CUL1: variants seen among roughly 807,000 people sequenced by gnomAD.
CUL1 encodes the protein cullin-1.
In CUL1, 24 loss-of-function variants were observed where a neutral mutation model predicts 118.0. The ratio of observed to expected loss-of-function variants is 0.20; its 90% CI spans 0.15 to 0.29. CUL1 has a LOEUF of 0.29. CUL1 is among the 10% of genes least tolerant of loss of function. The probability of loss-of-function intolerance (pLI) is 1.00; values close to 1 mark genes in which losing one functional copy is unlikely to be tolerated. For synonymous variants in CUL1, 332 were observed against 340.4 expected, an observed-to-expected ratio of 0.98 and a Z score of 0.27; for missense variants, 361 against 933.8, an observed-to-expected ratio of 0.39 and a Z score of 7.99.
At chr7:148,752,824 G>C (rs1799533875) in intron 2 of CUL1, among the ~76,000 whole-genome samples, 1 of 151,910 alleles carries the variant, frequency 6.6e-6, no homozygotes, top group African/African-American at 2.4e-5. Flanking sequence ...AATTTTTTGT[G>C]TGTGTTTTTA....
rs1484911868 is a variant in CUL1, at chr7:148,792,919, T to C, written c.1899+101T>C. 1.1e-5 allele frequency: 8 copies of C among 757,614 alleles called. No homozygotes were observed. In the Admixed American group the frequency reaches 1.6e-4, roughly 15 times the overall value. The allele number at this position is 757,614 out of a possible 1,614,324, so 46.9% of individuals were successfully genotyped here. The stretch of plus-strand genomic sequence containing the variant: ...GGAAGAGGATATGGGCATCTTTAAT[T>C]TGAAATAGATGTTTGCCTCATGAAT... On this transcript the variant is annotated intron_variant, in intron 17 of 21. Transcript: ENST00000325222.
chr7:148,703,610 G>T (rs1797787325), intron 1 of CUL1, among the ~76,000 whole-genome samples: 1 of 151,874 alleles, frequency 6.6e-6, no homozygotes, highest in African/African-American at 2.4e-5. Flanking sequence ...TCGGCTCACT[G>T]CAACCTCCGC....
At chr7:148,698,635 G>C (rs1296706968), upstream of CUL1, 5 of 152,000 alleles carry the variant, frequency 3.3e-5, no homozygotes, top group East Asian at 1.9e-4. Context: ...GAGCTTTCCG[G>C]GCCCCTCCCG....
rs140192642 is a variant in CUL1, at chr7:148,754,504, G to A, written c.315+354G>A. 2.0e-3 allele frequency among the ~76,000 whole-genome samples: 308 copies of A among 152,202 alleles called. 1 individual carries two copies. The highest frequency in any genetic ancestry group is 7.0e-3 in the African/African-American group (291 of 41,546). ...CTGTTTTTTAAAATTAGAAAGCTTT[G>A]ATAACCTTTTAGCATAATAGTGCTT... On this transcript the variant is annotated intron_variant, in intron 3 of 21. Transcript: ENST00000325222.
At chr7:148,774,756 C>T (rs1449281582) in intron 9 of CUL1, among the ~76,000 whole-genome samples, 3 of 152,278 alleles carry the variant, frequency 2.0e-5, no homozygotes, top group Non-Finnish European at 2.9e-5. Context: ...CTTCAACACC[C>T]GGCAGGGCTG....
At chr7:148,714,725 G>C (rs1798158604) in intron 1 of CUL1, among the ~76,000 whole-genome samples, 1 of 151,972 alleles carries the variant, frequency 6.6e-6, no homozygotes, top group Admixed American at 6.6e-5. Context: ...TCATTTTAGA[G>C]GGCAGTGGAA....
chr7:148,740,480 C>T (rs1350595215), intron 2 of CUL1, among the ~76,000 whole-genome samples: 2 of 152,210 alleles, frequency 1.3e-5, no homozygotes, highest in African/African-American at 4.8e-5. Flanking sequence ...AGATTTTCAT[C>T]ATCTCAAAAA....
chr7:148,786,701 C>G (rs1286981934), intron 12 of CUL1, 102 bp downstream of exon 12: 1 of 1,011,472 alleles, frequency 9.9e-7, no homozygotes, highest in Non-Finnish European at 1.5e-6. Flanking sequence ...AAGTAATAAT[C>G]ATTGATTTTA....
At chr7:148,785,466 C>G (rs1346597258) in intron 11 of CUL1, among the ~76,000 whole-genome samples, 1 of 151,654 alleles carries the variant, frequency 6.6e-6, no homozygotes, top group East Asian at 1.9e-4. Flanking sequence ...TTAAGTGATT[C>G]TCATGCCTTA....
At chr7:148,765,654 A>G (rs2129460735) in intron 7 of CUL1, among the ~76,000 whole-genome samples, 1 of 152,262 alleles carries the variant, frequency 6.6e-6, no homozygotes, top group South Asian at 2.1e-4. Flanking sequence ...ATTTAAAACA[A>G]AAATCATTTT....
At chr7:148,793,065 C>A (rs1038760778) in intron 17 of CUL1, among the ~76,000 whole-genome samples, 1 of 152,068 alleles carries the variant, frequency 6.6e-6, no homozygotes, top group South Asian at 2.1e-4. Context: ...GAGGCTGGGG[C>A]GGGAGGATCA....
At chr7:148,739,595 T>A (rs553064354) in intron 2 of CUL1, among the ~76,000 whole-genome samples, 2 of 152,306 alleles carry the variant, frequency 1.3e-5, no homozygotes, top group South Asian at 4.1e-4. Flanking sequence ...ATATTTTGCT[T>A]TTTGTTAGTT....
intron 2 of CUL1, among the ~76,000 whole-genome samples, chr7:148,748,950 G>T (rs975591839): frequency 6.6e-6 from 1 of 152,210 alleles, no homozygotes; most frequent in Non-Finnish European, 1.5e-5. Flanking sequence ...ATACACATCA[G>T]ATTGATGTGA....
At chr7:148,698,515 C>G (rs1797593493), upstream of CUL1, 1 of 152,116 alleles carries the variant, frequency 6.6e-6, no homozygotes, top group Non-Finnish European at 1.5e-5. Flanking sequence ...TCTCGGGTGC[C>G]GGGGGCAGGG....
At chr7:148,751,006 A>C (rs1456097935) in intron 2 of CUL1, among the ~76,000 whole-genome samples, 2 of 151,964 alleles carry the variant, frequency 1.3e-5, no homozygotes, top group Admixed American at 6.6e-5. Context: ...AAAACAAAAC[A>C]AAACTGTCTA....
At position 148,730,278 on chromosome 7, in the gene CUL1, G is replaced by C. The variant is rs183247571; in HGVS notation, c.140+16G>C. ...AGCTCTACACGTATCCTCCTGCCTA[G>C]CGCAGGTTGATTGCTTAGAGTTTTG... On this transcript the variant is annotated intron_variant, in intron 2 of 21. Coordinates refer to ENST00000325222, the MANE Select transcript of CUL1 (RefSeq NM_003592.3). 2 of 1,591,322 alleles carry C rather than the reference G, an allele frequency of 1.3e-6. No individual in the cohort carries two copies. Among genetic ancestry groups the C allele is most frequent in the African/African-American group, 2.7e-5 (2 of 74,136 alleles).
intron 9 of CUL1, among the ~76,000 whole-genome samples, chr7:148,771,136 C>CT (rs1800196934): frequency 6.6e-6 from 1 of 152,054 alleles, no homozygotes; most frequent in South Asian, 2.1e-4. Flanking sequence ...TTTCTCTGGA[C>CT]TAGAACACTA....
chr7:148,749,165 C>T (rs975158385), intron 2 of CUL1, among the ~76,000 whole-genome samples: 3 of 151,506 alleles, frequency 2.0e-5, no homozygotes, highest in Non-Finnish European at 2.9e-5. Context: ...GCCTGTAATC[C>T]CAGCACCTTG....
At chr7:148,720,772 C>T (rs1454408682) in intron 1 of CUL1, among the ~76,000 whole-genome samples, 1 of 152,134 alleles carries the variant, frequency 6.6e-6, no homozygotes, top group Non-Finnish European at 1.5e-5. Context: ...TGAGGAGCAG[C>T]TTGGAGTTGT....
Sources: allele counts gnomAD v4.1 joint callset (sites outside exome capture counted in the v4.1 genomes callset), GRCh38; gene constraint gnomAD v4.1.1; transcripts MANE v1.5; gene names NCBI Gene and HGNC (gene_info 2026-07-23, HGNC 2026-07-21).